The following CENPK variants were observed in gnomAD, a reference collection of about 807,000 sequenced individuals.
CENPK encodes the protein SoxLZ/Sox6-binding protein Solt.
Under a neutral mutation model 40.9 loss-of-function variants are expected in CENPK, and 46 were observed. The observed-to-expected ratio is 1.13, with a 90% CI of 0.89 to 1.44. The LOEUF (loss-of-function observed/expected upper bound fraction) is 1.44. Among genes scored for constraint, CENPK ranks in the 40% most tolerant of loss-of-function variants. CENPK has a pLI of 0.00. For synonymous variants in CENPK, 107 were observed against 104.4 expected (o/e 1.02, Z -0.15); for missense variants, 288 against 303.5 (o/e 0.95, Z 0.38).
rs115861856 is a variant in CENPK, at chr5:65,524,549, A to C, written c.598-3021T>G. 2.3e-3 allele frequency: 354 copies of C among 152,126 alleles called. 2 individuals are homozygous for C. Among genetic ancestry groups the C allele is most frequent in the African/African-American group, 8.2e-3 (339 of 41,390 alleles). 9.4% of individuals were successfully genotyped at this position (152,126 alleles called of 1,614,324 possible). ...AAACAAATTAACTGGGCATGGTGGA[A>C]CACACCTGTAGTCCCAAGCTACTCA... is the stretch of plus-strand genomic sequence containing the variant. On this transcript the variant is annotated intron_variant, in intron 9 of 10. Coordinates refer to ENST00000396679, the MANE Select transcript of CENPK (RefSeq NM_022145.5).
intron 1 of CENPK, 40 bp from the exon 2 acceptor site, chr5:65,561,604 AC>A: frequency 2.4e-6 from 1 of 417,274 alleles, no homozygotes; most frequent in Non-Finnish European, 4.8e-6. Context: ...TAAAACACAC[AC>A]ACACACACAC....
chr5:65,541,798 G>A (rs1411923543), intron 6 of CENPK, among the ~76,000 whole-genome samples: 1 of 152,122 alleles, frequency 6.6e-6, no homozygotes, highest in Non-Finnish European at 1.5e-5. Flanking sequence ...AGTTTCAAAG[G>A]TGCTTCAGAA....
intron 5 of CENPK, among the ~76,000 whole-genome samples, chr5:65,549,485 G>C (rs929656237): frequency 6.6e-6 from 1 of 152,154 alleles, no homozygotes; most frequent in African/African-American, 2.4e-5. Context: ...CTAACTATAA[G>C]AGTCCTAGAT....
chr5:65,534,929 G>T (rs1746600653), intron 6 of CENPK, among the ~76,000 whole-genome samples: 2 of 152,148 alleles, frequency 1.3e-5, no homozygotes. Flanking sequence ...CAGAGAAAAT[G>T]AAAAGAAGTC....
At chr5:65,535,774 C>A (rs767800460) in intron 6 of CENPK, among the ~76,000 whole-genome samples, 10 of 152,218 alleles carry the variant, frequency 6.6e-5, no homozygotes, top group Admixed American at 5.2e-4. Context: ...TCCAGTGAGT[C>A]TATCCCACAA....
downstream of CENPK, among the ~76,000 whole-genome samples, chr5:65,517,509 T>A (rs897566389): frequency 3.9e-5 from 6 of 152,194 alleles, no homozygotes; most frequent in African/African-American, 1.4e-4. Flanking sequence ...ACAGAGGGAT[T>A]TGGTATACTT....
chr5:65,539,899 C>G (rs1342991651), intron 6 of CENPK, among the ~76,000 whole-genome samples: 1 of 152,192 alleles, frequency 6.6e-6, no homozygotes, highest in Non-Finnish European at 1.5e-5. Context: ...TGAAGCTGCA[C>G]CTGGGGCAAC....
chr5:65,536,720 C>G (rs1746971111), intron 6 of CENPK, among the ~76,000 whole-genome samples: 1 of 151,914 alleles, frequency 6.6e-6, no homozygotes, highest in Non-Finnish European at 1.5e-5. Flanking sequence ...TTATTTCTTG[C>G]CTTCGATTTT....
rs1397513933 is a variant in CENPK at position 65,554,862 on chromosome 5, C to G, written c.46G>C (p.Asp16His). ...LDPDSTTDVGDVTNTEEELIR... is the reference protein window; with the variant it reads ...LDPDSTTDVGHVTNTEEELIR... ...AGTTCTTCTTCAGTATTTGTAACAT[C>G]TCCCACATCTGTAGTACTATCCGGA... Residue 16 changes from aspartate (D) to histidine (H), a missense_variant, in exon 3 of 11, where the codon GAT (aspartate) becomes CAT (histidine). By Grantham distance (81) the Asp-to-His change is moderately conservative (BLOSUM62 -1). Coordinates refer to ENST00000396679, the MANE Select transcript of CENPK (RefSeq NM_022145.5). 6.2e-7 allele frequency: 1 copy of G among 1,605,644 alleles called. No homozygotes were observed. Among genetic ancestry groups the G allele is most frequent in the East Asian group, 2.2e-5 (1 of 44,710 alleles).
At chr5:65,540,808 CT>C (rs36024048) in intron 6 of CENPK, among the ~76,000 whole-genome samples, 72,372 of 130,096 alleles carry the variant, frequency 0.56, 19,131 homozygotes, top group Non-Finnish European at 0.59. Flanking sequence ...CAACTGTATC[CT>C]TTTTTTTTTT....
intron 4 of CENPK, among the ~76,000 whole-genome samples, chr5:65,552,261 A>G (rs1261408624): frequency 6.6e-6 from 1 of 152,246 alleles, no homozygotes; most frequent in East Asian, 1.9e-4. Context: ...AGTTGCTAAA[A>G]GACAAATAAT....
the CENPK span, among the ~76,000 whole-genome samples, chr5:65,506,575 G>T: frequency 0.026 from 3,966 of 152,196 alleles, 174 homozygotes; most frequent in African/African-American, 0.091. Context: ...CTTGAGGTTA[G>T]AAGTTCAAGG....
chr5:65,497,541 A>C, the CENPK span, among the ~76,000 whole-genome samples: 2 of 152,178 alleles, frequency 1.3e-5, no homozygotes, highest in Non-Finnish European at 2.9e-5. Context: ...TTTGTAACCT[A>C]GTCTCAGAAG....
intron 5 of CENPK, 24 bp from the exon 6 acceptor site, chr5:65,542,872 G>C (rs1452284240): frequency 1.3e-6 from 2 of 1,586,446 alleles, no homozygotes; most frequent in Non-Finnish European, 1.7e-6. Flanking sequence ...ACAAAACAAA[G>C]TTACACATAT....
chr5:65,546,924 T>C (rs1418785055), intron 5 of CENPK, among the ~76,000 whole-genome samples: 1 of 152,206 alleles, frequency 6.6e-6, no homozygotes, highest in Non-Finnish European at 1.5e-5. Flanking sequence ...ATGGAAGTTA[T>C]TATTATAGAT....
chr5:65,560,026 T>G (rs1399063588), intron 2 of CENPK, among the ~76,000 whole-genome samples: 1 of 151,662 alleles, frequency 6.6e-6, no homozygotes, highest in African/African-American at 2.4e-5. Flanking sequence ...CATTCCTCAC[T>G]CCCTCAAAAA....
At chr5:65,514,248 TTTTTTTTTTTTTTA>T (rs1742698247), downstream of CENPK, among the ~76,000 whole-genome samples, 4 of 10,782 alleles carry the variant, frequency 3.7e-4, no homozygotes, top group Admixed American at 2.8e-3. Flanking sequence ...TTTTTTTTTT[TTTTTTTTTTTTTTA>T]GTTTTTTTTA....
At chr5:65,559,711 G>A (rs955198096) in intron 2 of CENPK, among the ~76,000 whole-genome samples, 1 of 151,806 alleles carries the variant, frequency 6.6e-6, no homozygotes, top group African/African-American at 2.4e-5. Context: ...TAAGATGGGA[G>A]GACATACCCT....
At chr5:65,511,301 CG>C in the CENPK span, among the ~76,000 whole-genome samples, 6 of 152,116 alleles carry the variant, frequency 3.9e-5, no homozygotes, top group Non-Finnish European at 8.8e-5. Flanking sequence ...CCAAGTTATC[CG>C]GAAGATCTAG....
Sources: allele counts gnomAD v4.1 joint callset (sites outside exome capture counted in the v4.1 genomes callset), GRCh38; gene constraint gnomAD v4.1.1; transcripts MANE v1.5; gene names NCBI Gene and HGNC (gene_info 2026-07-23, HGNC 2026-07-21).